LDB2: variants seen among roughly 807,000 people sequenced by gnomAD.
LDB2 encodes the protein LIM domain-binding protein 2.
LDB2 carries 12 observed loss-of-function variants against 44.3 expected under a neutral mutation model. The ratio of observed to expected loss-of-function variants is 0.27; its 90% confidence interval spans 0.17 to 0.44. LDB2 has a LOEUF of 0.44. Ranked by LOEUF, LDB2 falls within the 20% of genes least tolerant of loss-of-function variation. LDB2 has a pLI of 1.00. For missense variants in LDB2, 344 were observed against 473.5 expected (o/e 0.73, Z 2.54); for synonymous variants, 164 against 174.8 (o/e 0.94, Z 0.49).
At chr4:16,798,830 A>G (rs1043530254) in intron 1 of LDB2, among the ~76,000 whole-genome samples, 3 of 152,210 alleles carry the variant, frequency 2.0e-5, no homozygotes, top group African/African-American at 7.2e-5. Flanking sequence ...CTTATTCAGC[A>G]TGACTGGGGT....
At chr4:16,620,571 C>T (rs1311069915) in intron 2 of LDB2, among the ~76,000 whole-genome samples, 9 of 152,214 alleles carry the variant, frequency 5.9e-5, no homozygotes, top group Non-Finnish European at 7.3e-5. Flanking sequence ...CTTCTCGCCT[C>T]TCTCTGCCTT....
At chr4:16,691,815 G>A (rs1750832172) in intron 2 of LDB2, among the ~76,000 whole-genome samples, 1 of 152,186 alleles carries the variant, frequency 6.6e-6, no homozygotes, top group African/African-American at 2.4e-5. Context: ...ATCAAAAGGA[G>A]TGTAGGTGTC....
intron 2 of LDB2, among the ~76,000 whole-genome samples, chr4:16,721,343 G>A (rs1374615196): frequency 6.6e-6 from 1 of 152,104 alleles, no homozygotes; most frequent in Non-Finnish European, 1.5e-5. Flanking sequence ...GGGACAGCAT[G>A]TTTTGCCTCT....
At chr4:16,680,841 A>C (rs934457375) in intron 2 of LDB2, among the ~76,000 whole-genome samples, 9 of 152,216 alleles carry the variant, frequency 5.9e-5, no homozygotes, top group Non-Finnish European at 8.8e-5. Context: ...AATTCTCTTA[A>C]CTCTTCAGAA....
intron 2 of LDB2, among the ~76,000 whole-genome samples, chr4:16,657,249 A>T (rs1740137092): frequency 6.6e-6 from 1 of 152,214 alleles, no homozygotes; most frequent in Admixed American, 6.5e-5. Flanking sequence ...AAAATTATAC[A>T]TGTGGTTGGC....
At chr4:16,609,656 C>A (rs1486506626) in intron 2 of LDB2, among the ~76,000 whole-genome samples, 2 of 152,202 alleles carry the variant, frequency 1.3e-5, no homozygotes, top group South Asian at 2.1e-4. Flanking sequence ...CCTGCAGGAT[C>A]TCCAATAACT....
intron 2 of LDB2, among the ~76,000 whole-genome samples, chr4:16,693,813 C>G (rs1578838093): frequency 6.6e-6 from 1 of 152,196 alleles, no homozygotes; most frequent in Non-Finnish European, 1.5e-5. Context: ...GGCACATGTT[C>G]CAATGCTGAC....
chr4:16,633,659 A>T (rs967498280), intron 2 of LDB2, among the ~76,000 whole-genome samples: 3 of 152,236 alleles, frequency 2.0e-5, no homozygotes, highest in Admixed American at 2.0e-4. Context: ...GCTAGGAAGA[A>T]TCAGTATCAT....
chr4:16,634,841 C>T (rs1291518462), intron 2 of LDB2, among the ~76,000 whole-genome samples: 5 of 152,098 alleles, frequency 3.3e-5, no homozygotes, highest in East Asian at 1.9e-4. Context: ...CACATGCACA[C>T]GTATGTTTAT....
At chr4:16,779,294 T>G (rs1772640596) in intron 1 of LDB2, among the ~76,000 whole-genome samples, 2 of 152,212 alleles carry the variant, frequency 1.3e-5, no homozygotes, top group African/African-American at 4.8e-5. Context: ...TCCTTGAAAT[T>G]GCCCTCATTT....
chr4:16,806,081 A>T (rs1161453117), intron 1 of LDB2, among the ~76,000 whole-genome samples: 1 of 152,230 alleles, frequency 6.6e-6, no homozygotes, highest in Non-Finnish European at 1.5e-5. Flanking sequence ...AAACAGAATT[A>T]GCATCTTCAT....
chr4:16,877,413 T>C (rs750840645), intron 1 of LDB2, among the ~76,000 whole-genome samples: 1 of 152,322 alleles, frequency 6.6e-6, no homozygotes, highest in Admixed American at 6.5e-5. Flanking sequence ...TTAACAGATA[T>C]GGAAACTGAG....
At chr4:16,606,106 A>T (rs1354298506) in intron 2 of LDB2, among the ~76,000 whole-genome samples, 4 of 152,142 alleles carry the variant, frequency 2.6e-5, no homozygotes, top group Non-Finnish European at 5.9e-5. Flanking sequence ...TTAGATTTTT[A>T]AATTATTTTG....
chr4:16,512,428 ACT>A (rs1722113230), intron 5 of LDB2, among the ~76,000 whole-genome samples: 1 of 144,370 alleles, frequency 6.9e-6, no homozygotes, highest in African/African-American at 2.7e-5. Flanking sequence ...AATTCAAATA[ACT>A]CTTTCTGGTT....
Position 16,502,748 on chromosome 4 carries a change from GTCC to G in LDB2, c.1014_1016del (p.Glu338del). On this transcript the variant is annotated inframe_deletion, in exon 8 of 8. Coordinates refer to ENST00000304523, the MANE Select transcript of LDB2 (RefSeq NM_001290.5). ...TCCCCAGCGCGGGTGAATTGTTGAAGTCCTCCTCGTCGTCCATGCCGTTGGCCG... is the reference window on the plus strand; with the variant it reads ...TCCCCAGCGCGGGTGAATTGTTGAAGTCCTCGTCGTCCATGCCGTTGGCCG... 3 of 1,614,044 alleles carry G rather than the reference GTCC, an allele frequency of 1.9e-6. No homozygotes were observed. The highest frequency in any genetic ancestry group is 2.5e-6 in the Non-Finnish European group (3 of 1,179,978).
chr4:16,825,122 G>C (rs1782814342), intron 1 of LDB2, among the ~76,000 whole-genome samples: 1 of 152,118 alleles, frequency 6.6e-6, no homozygotes, highest in Admixed American at 6.5e-5. Flanking sequence ...ATGATGAGTA[G>C]CTCACCTAGC....
chr4:16,522,129 T>A (rs894371424), intron 5 of LDB2, among the ~76,000 whole-genome samples: 1 of 136,834 alleles, frequency 7.3e-6, no homozygotes, highest in Non-Finnish European at 1.7e-5. Flanking sequence ...TTTACCTAGG[T>A]TCTGGCTTAT....
intron 1 of LDB2, among the ~76,000 whole-genome samples, chr4:16,793,237 GGTCC>G (rs1776122715): frequency 2.0e-5 from 3 of 151,924 alleles, no homozygotes; most frequent in Admixed American, 2.0e-4. Flanking sequence ...CCCTTTTTTT[GGTCC>G]TTATCGTTTA....
At position 16,858,220 on chromosome 4, in the gene LDB2, C is replaced by G. The variant is rs370307874; in HGVS notation, c.132+40134G>C. 1.4e-4 allele frequency among the ~76,000 whole-genome samples: 22 copies of G among 152,302 alleles called. No homozygotes were observed. The East Asian group carries it at 2.9e-3, about 20-fold the overall frequency. ...GAGGCATAGAAAGGATGAGTCACTT[C>G]CCAGGTTCACAGCTGTGCCAATAAT... On this transcript the variant is annotated intron_variant, in intron 1 of 7. Transcript: ENST00000304523.
Sources: gnomAD v4.1 joint callset for allele counts (sites outside exome capture counted in the v4.1 genomes callset) on GRCh38, gnomAD v4.1.1 for gene constraint, MANE v1.5 for transcripts, NCBI Gene and HGNC (gene_info 2026-07-23, HGNC 2026-07-21) for gene names.